Variants in CCNJL observed in about 807,000 individuals in gnomAD.
The protein encoded by CCNJL is cyclin-J-like protein.
Under a neutral mutation model 33.4 loss-of-function variants are expected in CCNJL, and 33 were observed. That is an observed-to-expected ratio of 0.99 (90% CI 0.75 to 1.32). CCNJL has a LOEUF of 1.32. Ranked by LOEUF, CCNJL falls within the 40% of genes most tolerant of loss-of-function variation. The pLI, the probability that CCNJL is intolerant of heterozygous loss-of-function variation, is 0.00. For synonymous variants in CCNJL, 227 were observed against 220.9 expected (o/e 1.03, Z -0.24); for missense variants, 512 against 499.7 (o/e 1.02, Z -0.23).
At chr5:160,309,681 A>T (rs373908378) in intron 2 of CCNJL, among the ~76,000 whole-genome samples, 7 of 152,330 alleles carry the variant, frequency 4.6e-5, no homozygotes, top group African/African-American at 1.7e-4. Flanking sequence ...CATGAAGCCA[A>T]ATTTTTGAAG....
intron 1 of CCNJL, among the ~76,000 whole-genome samples, chr5:160,325,924 G>A (rs1763528489): frequency 6.6e-6 from 1 of 152,120 alleles, no homozygotes; most frequent in South Asian, 2.1e-4. Context: ...TCCTTTTACT[G>A]TGGCAGAGGT....
chr5:160,319,852 C>G (rs908784422), intron 1 of CCNJL, among the ~76,000 whole-genome samples: 1 of 151,830 alleles, frequency 6.6e-6, no homozygotes, highest in Non-Finnish European at 1.5e-5. Flanking sequence ...GTGGGGAGAT[C>G]GTGGCTGCAG....
intron 2 of CCNJL, among the ~76,000 whole-genome samples, chr5:160,301,562 T>G (rs968648955): frequency 2.0e-5 from 3 of 151,772 alleles, no homozygotes; most frequent in African/African-American, 7.3e-5. Context: ...GCTTCCTGAA[T>G]AGCTGTGACT....
intron 2 of CCNJL, among the ~76,000 whole-genome samples, chr5:160,282,985 A>ATATG (rs1649033824): frequency 1.8e-5 from 1 of 55,444 alleles, no homozygotes; most frequent in Non-Finnish European, 3.3e-5. Flanking sequence ...ATATATATAT[A>ATATG]TATATATATA....
chr5:160,255,830 G>T, intron 4 of CCNJL, 122 bp from the exon 5 acceptor site: 1 of 804,324 alleles, frequency 1.2e-6, no homozygotes. Flanking sequence ...CCTACAAATA[G>T]GATGGAAAAT....
intron 1 of CCNJL, among the ~76,000 whole-genome samples, chr5:160,328,536 C>A (rs1406414254): frequency 1.3e-5 from 2 of 151,318 alleles, no homozygotes; most frequent in Admixed American, 1.3e-4. Flanking sequence ...GCAGTAAGAT[C>A]GTTTGAGCTC....
At chr5:160,256,795 G>A (rs1761082868) in intron 4 of CCNJL, among the ~76,000 whole-genome samples, 1 of 152,044 alleles carries the variant, frequency 6.6e-6, no homozygotes, top group African/African-American at 2.4e-5. Flanking sequence ...GTGGGCGCCT[G>A]TAATCCCAGC....
chr5:160,335,751 T>A lies in CCNJL; in HGVS notation n.206+3694A>T, dbSNP rs7722444. 9.6e-3 allele frequency among the ~76,000 whole-genome samples: 1,364 copies of A among 142,446 alleles called. 19 individuals carry two copies. The highest frequency in any genetic ancestry group is 0.036 in the African/African-American group (1,272 of 35,550). 93.5% of individuals were successfully genotyped at this position (142,446 alleles called of 152,430 possible). ...CATGTCTAATTTTTTTTTTTGAAAT[T>A]TTTTTTTTTTTTTGTAGAAACAATG... On this transcript the variant is annotated intron_variant and non_coding_transcript_variant, in intron 1 of 7. Coordinates refer to the CCNJL transcript ENST00000377503.
rs1760803313 is a variant in CCNJL, at chr5:160,251,533, C to T, written c.*1845G>A. 2 of 152,304 alleles carry T rather than the reference C, an allele frequency of 1.3e-5. No homozygotes were observed. Among genetic ancestry groups the T allele is most frequent in the Non-Finnish European group, 2.9e-5 (2 of 68,142 alleles). 9.4% of individuals were successfully genotyped at this position (152,304 alleles called of 1,614,324 possible). A position where few individuals can be genotyped will look rare whatever the true frequency, so the allele number is the denominator to read the frequency against. On this transcript the variant is annotated 3_prime_UTR_variant, in exon 6 of 6. Coordinates refer to ENST00000257536, the MANE Select transcript of CCNJL (RefSeq NM_001308173.3). The stretch of plus-strand genomic sequence containing the variant: ...CCTACTCAGAGGGCAGGACTCAGCT[C>T]CCGAGGTCTTGCTGCTGCCCCCAAT...
chr5:160,314,520 G>A (rs1227685306), upstream of CCNJL, among the ~76,000 whole-genome samples: 1 of 152,136 alleles, frequency 6.6e-6, no homozygotes, highest in Admixed American at 6.5e-5. Context: ...AAACATACAC[G>A]AATTATACGG....
chr5:160,266,884 C>G (rs1761619023), intron 3 of CCNJL, among the ~76,000 whole-genome samples: 1 of 152,154 alleles, frequency 6.6e-6, no homozygotes, highest in African/African-American at 2.4e-5. Context: ...GCTTCCTTTC[C>G]CCAGGACTGT....
At chr5:160,284,803 G>A (rs1023226374) in intron 2 of CCNJL, among the ~76,000 whole-genome samples, 3 of 152,156 alleles carry the variant, frequency 2.0e-5, no homozygotes, top group African/African-American at 7.2e-5. Flanking sequence ...AAAAGTCCCT[G>A]AGTCCCTGGG....
upstream of CCNJL, chr5:160,315,459 A>T (rs1649017986): frequency 2.2e-6 from 1 of 449,428 alleles, no homozygotes; most frequent in Non-Finnish European, 4.5e-6. Context: ...GTGAGCCGTG[A>T]TTGTGCCACT....
At chr5:160,265,663 C>A (rs1761550183) in intron 3 of CCNJL, among the ~76,000 whole-genome samples, 1 of 151,084 alleles carries the variant, frequency 6.6e-6, no homozygotes, top group Non-Finnish European at 1.5e-5. Flanking sequence ...AATGCCCCAG[C>A]CTGGCCAACA....
rs1428805834 is a variant in CCNJL, at chr5:160,321,011, TC to T, written n.207-5507del. ...CTTTCTTTCTTTCTCTCTCTCTCTCTCTCTTTCTTTCTTTCTTTCTTTCTTT... is the reference window on the plus strand; with the variant it reads ...CTTTCTTTCTTTCTCTCTCTCTCTCTTCTTTCTTTCTTTCTTTCTTTCTTT... On this transcript the variant is annotated intron_variant and non_coding_transcript_variant, in intron 1 of 7. Coordinates refer to the CCNJL transcript ENST00000377503. Among the ~76,000 whole-genome samples the T allele has an allele frequency of 2.3e-4, 14 of 60,690 alleles. 1 individual carries two copies. Among genetic ancestry groups the T allele is most frequent in the African/African-American group, 7.4e-4 (9 of 12,136 alleles). 39.8% of individuals were successfully genotyped at this position (60,690 alleles called of 152,430 possible).
rs536716541 is a variant in CCNJL at position 160,324,765 on chromosome 5, C to G, written n.207-9260G>C. ...GTGTTTTCTGAATGTGACTATCTGT[C>G]ATATGTATTTCTTCTTCTACAAACT... is the stretch of plus-strand genomic sequence containing the variant. On this transcript the variant is annotated intron_variant and non_coding_transcript_variant, in intron 1 of 7. Transcript: ENST00000377503. Among the ~76,000 whole-genome samples the G allele has an allele frequency of 1.6e-3, 245 of 152,294 alleles. 1 individual carries two copies. Among genetic ancestry groups the G allele is most frequent in the African/African-American group, 5.6e-3 (233 of 41,560 alleles).
intron 1 of CCNJL, among the ~76,000 whole-genome samples, chr5:160,323,547 A>G (rs1763500064): frequency 6.6e-6 from 1 of 152,256 alleles, no homozygotes; most frequent in African/African-American, 2.4e-5. Context: ...AACAACACTG[A>G]GATGAAAATC....
rs1760775899 is a variant in CCNJL at position 160,250,534 on chromosome 5, G to C, written c.*2844C>G. 1 of 152,272 alleles carries C rather than the reference G, an allele frequency of 6.6e-6. No individual in the cohort carries two copies. Among genetic ancestry groups the C allele is most frequent in the South Asian group, 2.1e-4 (1 of 4,834 alleles). 9.4% of individuals were successfully genotyped at this position (152,272 alleles called of 1,614,324 possible). On this transcript the variant is annotated 3_prime_UTR_variant, in exon 6 of 6. Transcript: ENST00000257536. ...ATGTCTCAGCCCCACAGTGACACCG[G>C]CTCTCTGGGGTGGTTCTCCTGCTGG... is the stretch of plus-strand genomic sequence containing the variant.
intron 3 of CCNJL, among the ~76,000 whole-genome samples, chr5:160,260,612 AG>A (rs1452511088): frequency 1.3e-5 from 2 of 152,124 alleles, no homozygotes; most frequent in Non-Finnish European, 2.9e-5. Flanking sequence ...GTCAAGACTC[AG>A]GGGCTGGTGG....
Sources: allele counts gnomAD v4.1 joint callset (sites outside exome capture counted in the v4.1 genomes callset), GRCh38; gene constraint gnomAD v4.1.1; transcripts MANE v1.5; gene names NCBI Gene and HGNC (gene_info 2026-07-23, HGNC 2026-07-21).